Variants in SNRPB observed in about 807,000 individuals in gnomAD.
SNRPB encodes the protein small nuclear ribonucleoprotein-associated proteins B and B'.
SNRPB carries 5 observed loss-of-function variants against 26.6 expected under a neutral mutation model. The ratio of observed to expected loss-of-function variants is 0.19; its 90% confidence interval spans 0.10 to 0.39. The LOEUF (loss-of-function observed/expected upper bound fraction) is 0.39. Ranked by LOEUF, SNRPB falls within the 10% of genes least tolerant of loss-of-function variation. SNRPB has a pLI of 1.00. For missense variants in SNRPB, 211 were observed against 311.9 expected (o/e 0.68, Z 2.44); for synonymous variants, 122 against 105.8 (o/e 1.15, Z -0.94).
At position 2,467,651 on chromosome 20, in the gene SNRPB, G is replaced by T; in HGVS notation, c.111C>A (p.His37Gln). 6.2e-7 allele frequency: 1 copy of T among 1,614,140 alleles called. No homozygotes were observed. The highest frequency in any genetic ancestry group is 8.5e-7 in the Non-Finnish European group (1 of 1,180,032). Residue 37 changes from histidine to glutamine, a missense_variant, in exon 2 of 7, where the codon CAC becomes CAA. By Grantham distance (24) the His-to-Gln change is conservative. Coordinates refer to ENST00000381342, the MANE Select transcript of SNRPB (RefSeq NM_003091.4). ...FIGTFKAFDKHMNLILCDCDE... is the reference protein window; with the variant it reads ...FIGTFKAFDKQMNLILCDCDE... ...CACAGTCACAGAGGATCAAATTCAT[G>T]TGCTTGTCAAAAGCCTTGAAGGTGC...
chr20:2,468,189 TAA>T (rs1010009295), intron 1 of SNRPB, among the ~76,000 whole-genome samples: 3 of 152,166 alleles, frequency 2.0e-5, no homozygotes, highest in Non-Finnish European at 4.4e-5. Flanking sequence ...GGGCTGAAAC[TAA>T]AAATCTAATC....
intron 3 of SNRPB, 112 bp downstream of exon 3, chr20:2,465,596 G>A (rs543935430): frequency 1.4e-5 from 10 of 728,826 alleles, no homozygotes; most frequent in Admixed American, 2.7e-5. Flanking sequence ...TCTGAAAAAG[G>A]GGGCAAAATC....
intron 1 of SNRPB, among the ~76,000 whole-genome samples, chr20:2,468,834 G>C (rs2085091457): frequency 6.6e-6 from 1 of 152,210 alleles, no homozygotes; most frequent in African/African-American, 2.4e-5. Context: ...ACTGAGATGG[G>C]AGAATCGCTT....
At position 2,467,014 on chromosome 20, in the gene SNRPB, T is replaced by C. The variant is rs1041322556; in HGVS notation, c.155+593A>G. ...AAGTAGCCTTGAATGTAAAACATGA[T>C]GGGAAGCTAAATCATATCTTTTAAT... On this transcript the variant is annotated intron_variant, in intron 2 of 6. Coordinates refer to ENST00000381342, the MANE Select transcript of SNRPB (RefSeq NM_003091.4). 3.9e-5 allele frequency among the ~76,000 whole-genome samples: 6 copies of C among 152,300 alleles called. No individual in the cohort carries two copies. The South Asian group carries it at 6.2e-4, about 16-fold the overall frequency.
intron 3 of SNRPB, among the ~76,000 whole-genome samples, chr20:2,464,565 A>G (rs2085058670): frequency 6.6e-6 from 1 of 152,262 alleles, no homozygotes; most frequent in African/African-American, 2.4e-5. Flanking sequence ...ACTTGACTTT[A>G]AAAGTGTTGA....
chr20:2,463,711 C>A lies in SNRPB; in HGVS notation c.420+36G>T. 6.7e-7 allele frequency: 1 copy of A among 1,497,998 alleles called. No homozygotes were observed. Among genetic ancestry groups the A allele is most frequent in the Non-Finnish European group, 9.0e-7 (1 of 1,113,810 alleles). 92.8% of individuals were successfully genotyped at this position (1,497,998 alleles called of 1,614,324 possible). A position where few individuals can be genotyped will look rare whatever the true frequency, so the allele number is the denominator to read the frequency against. On this transcript the variant is annotated intron_variant, in intron 4 of 6. Coordinates refer to ENST00000381342, the MANE Select transcript of SNRPB (RefSeq NM_003091.4). This position sits in a 1 kb window ranked among gnomAD's most constrained non-coding sequence, Gnocchi z 5.0. ...CCCTCCCCTTTATCCTTTATTTTAG[C>A]CACCAGGAGGTGGTACCCTTTCCCC...
chr20:2,470,197 C>A (rs759604412), intron 1 of SNRPB, among the ~76,000 whole-genome samples: 1 of 152,224 alleles, frequency 6.6e-6, no homozygotes, highest in Non-Finnish European at 1.5e-5. Flanking sequence ...CATTCGCCAT[C>A]ACCCTCCTCC....
In SNRPB at chr20:2,465,970, T is replaced by C. The variant is rs939687760; in HGVS notation, c.156-151A>G. ...GCCCTCCTGGATAGTCTCTACAGGC[T>C]GAACACATAACCTCTTAGGTGGCTA... On this transcript the variant is annotated intron_variant, in intron 2 of 6. Transcript: ENST00000381342. The C allele has an allele frequency of 8.0e-6, 5 of 622,980 alleles. No homozygotes were observed. The East Asian group carries it at 1.4e-4, about 17-fold the overall frequency. 38.6% of individuals were successfully genotyped at this position (622,980 alleles called of 1,614,324 possible). A position where few individuals can be genotyped will look rare whatever the true frequency, so the allele number is the denominator to read the frequency against.
At position 2,465,836 on chromosome 20, in the gene SNRPB, A is replaced by G. The variant is rs1207663862; in HGVS notation, c.156-17T>C. On this transcript the variant is annotated splice_polypyrimidine_tract_variant and intron_variant, in intron 2 of 6. Transcript: ENST00000381342. ...TTCTTTGGCCTAAAGAGAGGTTTAGAAGGAACAAAAAAAGTGTTAGAGGTG... is the reference window on the plus strand; with the variant it reads ...TTCTTTGGCCTAAAGAGAGGTTTAGGAGGAACAAAAAAAGTGTTAGAGGTG... 3 of 1,604,520 alleles carry G rather than the reference A, an allele frequency of 1.9e-6. No homozygotes were observed. The highest frequency in any genetic ancestry group is 2.6e-6 in the Non-Finnish European group (3 of 1,171,594).
chr20:2,462,046 A>G, intron 6 of SNRPB, 107 bp from the exon 7 acceptor site: 1 of 754,434 alleles, frequency 1.3e-6, no homozygotes, highest in Non-Finnish European at 2.3e-6. Context: ...AGAGGGGTAT[A>G]CATGGCATAT....
chr20:2,465,945 G>A (rs1373937145), intron 2 of SNRPB, 126 bp from the exon 3 acceptor site: 8 of 682,998 alleles, frequency 1.2e-5, no homozygotes, highest in Non-Finnish European at 1.8e-5. Flanking sequence ...TCCCAAGATA[G>A]CCCTCCTGGA....
chr20:2,467,380 A>ACTTTGC (rs2085080690), intron 2 of SNRPB: 2 of 632,512 alleles, frequency 3.2e-6, no homozygotes, highest in Admixed American at 2.4e-5. Context: ...AGAGAAACAA[A>ACTTTGC]AAGCCTAGCA....
At chr20:2,464,678 T>A (rs910339098) in intron 3 of SNRPB, among the ~76,000 whole-genome samples, 6 of 152,158 alleles carry the variant, frequency 3.9e-5, no homozygotes, top group African/African-American at 1.4e-4. Context: ...TGTGGATTTT[T>A]AAAAAGTTAA....
rs373866050 is a variant in SNRPB at position 2,462,280 on chromosome 20, A to G, written c.686-341T>C. On this transcript the variant is annotated intron_variant, in intron 6 of 6. Coordinates refer to ENST00000381342, the MANE Select transcript of SNRPB (RefSeq NM_003091.4). ...TCCAACTGAAGTTAAAGAGAAATCCATAATAGTACAGCAAAGCCCAGAGCC... is the reference window on the plus strand; with the variant it reads ...TCCAACTGAAGTTAAAGAGAAATCCGTAATAGTACAGCAAAGCCCAGAGCC... Among the ~76,000 whole-genome samples, 8 of 152,204 alleles carry G rather than the reference A, an allele frequency of 5.3e-5. No individual in the cohort carries two copies. In the East Asian group the frequency reaches 5.8e-4, roughly 11 times the overall value.
intron 2 of SNRPB, chr20:2,467,237 G>C (rs1304796550): frequency 8.6e-6 from 4 of 466,854 alleles, no homozygotes; most frequent in Non-Finnish European, 1.3e-5. Flanking sequence ...AGACCAGGCT[G>C]CATTGGGAGA....
chr20:2,467,832 C>T (rs1426251510), intron 1 of SNRPB, 74 bp from the exon 2 acceptor site: 3 of 1,421,698 alleles, frequency 2.1e-6, no homozygotes, highest in African/African-American at 1.4e-5. Context: ...CCCAAAACTT[C>T]CCATGGCGTT....
intron 2 of SNRPB, among the ~76,000 whole-genome samples, chr20:2,466,138 A>G (rs2085071541): frequency 6.6e-6 from 1 of 152,128 alleles, no homozygotes. Context: ...TTAGGACCCT[A>G]TTCCCTCCCT....
Position 2,462,706 on chromosome 20 carries a change from G to T in SNRPB, c.615C>A (p.Ile205=). Residue 205 remains isoleucine, a synonymous_variant, in exon 6 of 7, where the codon ATC becomes ATA. Coordinates refer to ENST00000381342, the MANE Select transcript of SNRPB (RefSeq NM_003091.4). ...MRPPMGPPMG[I]PPGRGTPMGM... ...CCATTGGAGTCCCTCTTCCAGGGGG[G>T]ATCCCCATTGGGGGACCCATAGGAG... 2 of 1,590,316 alleles carry T rather than the reference G, an allele frequency of 1.3e-6. No individual in the cohort carries two copies. Among genetic ancestry groups the T allele is most frequent in the Non-Finnish European group, 1.7e-6 (2 of 1,161,484 alleles).
intron 2 of SNRPB, among the ~76,000 whole-genome samples, chr20:2,466,148 T>G (rs904360727): frequency 6.6e-6 from 1 of 152,156 alleles, no homozygotes; most frequent in African/African-American, 2.4e-5. Flanking sequence ...ATTCCCTCCC[T>G]TCAGCTTAAG....
Sources: gnomAD v4.1 joint callset for allele counts (sites outside exome capture counted in the v4.1 genomes callset) on GRCh38, gnomAD v4.1.1 for gene constraint, Gnocchi (gnomAD v3.1) non-coding constraint, MANE v1.5 for transcripts, NCBI Gene and HGNC (gene_info 2026-07-23, HGNC 2026-07-21) for gene names.